Variants in SMG6 observed in about 807,000 individuals in gnomAD.
The protein encoded by SMG6 is SMG6 nonsense mediated mRNA decay factor.
A neutral mutation model predicts 142.2 loss-of-function variants in SMG6; 66 were observed. The ratio of observed to expected loss-of-function variants is 0.46; its 90% CI spans 0.38 to 0.57. The LOEUF is 0.57. Among genes scored for constraint, SMG6 ranks in the 20% least tolerant of loss-of-function variants. The pLI, the probability that SMG6 is intolerant of heterozygous loss-of-function variation, is 0.00. For synonymous variants in SMG6, 779 were observed against 702.4 expected, an observed-to-expected ratio of 1.11 and a Z score of -1.72; for missense variants, 1,793 against 1,832.0, an observed-to-expected ratio of 0.98 and a Z score of 0.39.
intron 14 of SMG6, among the ~76,000 whole-genome samples, chr17:2,083,414 T>A (rs2068476781): frequency 6.6e-6 from 1 of 152,180 alleles, no homozygotes; most frequent in Non-Finnish European, 1.5e-5. Context: ...AAGAACTATG[T>A]CTGAAGAAAC....
At chr17:2,301,511 A>C (rs2075275623) in intron 1 of SMG6, among the ~76,000 whole-genome samples, 2 of 152,188 alleles carry the variant, frequency 1.3e-5, no homozygotes, top group African/African-American at 4.8e-5. Flanking sequence ...AATGCCAACA[A>C]CTGGGAACTC....
At position 2,188,511 on chromosome 17, in the gene SMG6, G is replaced by A; in HGVS notation, c.2874C>T (p.Cys958=). The change falls in exon 11 of 19, where the codon TGC becomes TGT. Residue 958 remains cysteine (C), a synonymous_variant. Transcript: ENST00000263073. The part of the protein sequence containing the change: ...FAVHNSQLKD[C]FSEECRSVIQ... The stretch of plus-strand genomic sequence containing the variant: ...TCACAGAGCGGCACTCCTCCGAGAA[G>A]CAGTCTGCGGACAGGCAAATGAAAC... 1 of 1,613,658 alleles carries A rather than the reference G, an allele frequency of 6.2e-7. No homozygotes were observed. The highest frequency in any genetic ancestry group is 8.5e-7 in the Non-Finnish European group (1 of 1,179,828).
chr17:2,295,940 T>C (rs779890452), intron 4 of SMG6, among the ~76,000 whole-genome samples: 1 of 152,090 alleles, frequency 6.6e-6, no homozygotes, highest in Non-Finnish European at 1.5e-5. Flanking sequence ...TTCCATTCTA[T>C]TTCCTTTCTT....
chr17:2,259,476 G>A (rs1377882899), intron 8 of SMG6, among the ~76,000 whole-genome samples: 1 of 151,836 alleles, frequency 6.6e-6, no homozygotes, highest in Non-Finnish European at 1.5e-5. Flanking sequence ...CCAGGAGTTT[G>A]ACCAGCCTGG....
At chr17:2,140,333 A>G (rs919762342) in intron 13 of SMG6, among the ~76,000 whole-genome samples, 5 of 152,240 alleles carry the variant, frequency 3.3e-5, no homozygotes, top group Non-Finnish European at 1.5e-5. Flanking sequence ...CTGGGGTTAC[A>G]GGCGTAAGCC....
At chr17:2,234,081 G>C (rs1401129986) in intron 10 of SMG6, among the ~76,000 whole-genome samples, 4 of 152,080 alleles carry the variant, frequency 2.6e-5, no homozygotes, top group African/African-American at 9.7e-5. Context: ...AGGGTCTCAA[G>C]TACGGGCTTT....
chr17:2,279,780 A>G (rs2074743521), intron 8 of SMG6, among the ~76,000 whole-genome samples: 2 of 152,186 alleles, frequency 1.3e-5, no homozygotes, highest in African/African-American at 4.8e-5. Flanking sequence ...CTCACACTCT[A>G]GACTCCAGCC....
At chr17:2,282,070 G>C (rs1276035626) in intron 8 of SMG6, among the ~76,000 whole-genome samples, 1 of 152,190 alleles carries the variant, frequency 6.6e-6, no homozygotes, top group Non-Finnish European at 1.5e-5. Flanking sequence ...CACTGAGACA[G>C]CAAGAGATCT....
At chr17:2,258,979 G>A (rs2074254953) in intron 8 of SMG6, among the ~76,000 whole-genome samples, 1 of 151,970 alleles carries the variant, frequency 6.6e-6, no homozygotes, top group South Asian at 2.1e-4. Flanking sequence ...TTGGGAGGCT[G>A]AGGTAGGAGA....
intron 13 of SMG6, among the ~76,000 whole-genome samples, chr17:2,165,747 TA>T (rs2071316746): frequency 1.3e-5 from 2 of 151,774 alleles, no homozygotes; most frequent in South Asian, 4.2e-4. Flanking sequence ...AATAAAAAAG[TA>T]AAAATAATTA....
intron 8 of SMG6, among the ~76,000 whole-genome samples, chr17:2,278,049 C>CA (rs951731896): frequency 2.0e-5 from 3 of 150,776 alleles, no homozygotes; most frequent in East Asian, 1.9e-4. Context: ...TCCTATCTCT[C>CA]AAAAAAAAAT....
chr17:2,248,863 C>G (rs1262070556), intron 8 of SMG6, among the ~76,000 whole-genome samples: 2 of 151,748 alleles, frequency 1.3e-5, no homozygotes, highest in African/African-American at 4.8e-5. Flanking sequence ...ATGAAGTCAA[C>G]TAGCACTGAG....
chr17:2,155,231 T>G (rs1355043727), intron 13 of SMG6, among the ~76,000 whole-genome samples: 1 of 151,938 alleles, frequency 6.6e-6, no homozygotes, highest in Admixed American at 6.6e-5. Context: ...CCGGCTACTT[T>G]TTGTATTTTT....
At chr17:2,073,923 A>G (rs1268126193) in intron 15 of SMG6, among the ~76,000 whole-genome samples, 2 of 151,090 alleles carry the variant, frequency 1.3e-5, no homozygotes, top group African/African-American at 2.4e-5. Flanking sequence ...TACTAAAACT[A>G]CAAAAATCAG....
intron 13 of SMG6, among the ~76,000 whole-genome samples, chr17:2,166,372 A>T (rs1252983068): frequency 6.8e-6 from 1 of 147,184 alleles, no homozygotes; most frequent in African/African-American, 2.6e-5. Context: ...TAAAAAGGAG[A>T]ATGTAGCACG....
At chr17:2,136,656 G>C (rs2070313643) in intron 13 of SMG6, among the ~76,000 whole-genome samples, 1 of 151,430 alleles carries the variant, frequency 6.6e-6, no homozygotes, top group Non-Finnish European at 1.5e-5. Flanking sequence ...CACCAAAATA[G>C]CTGGATTCAT....
At chr17:2,067,658 C>A (rs1467768858) in intron 16 of SMG6, among the ~76,000 whole-genome samples, 1 of 152,084 alleles carries the variant, frequency 6.6e-6, no homozygotes, top group African/African-American at 2.4e-5. Context: ...CTGGCCAGGC[C>A]ACATGGGGAG....
chr17:2,142,234 G>A (rs1378293840), intron 13 of SMG6, among the ~76,000 whole-genome samples: 1 of 152,106 alleles, frequency 6.6e-6, no homozygotes, highest in African/African-American at 2.4e-5. Context: ...CAGATTAATT[G>A]GACTTCGTAA....
chr17:2,080,932 G>C (rs901788242), intron 15 of SMG6, among the ~76,000 whole-genome samples: 4 of 152,196 alleles, frequency 2.6e-5, no homozygotes, highest in African/African-American at 7.2e-5. Flanking sequence ...ACCGCGCCCG[G>C]CCAGCACTTT....
Sources: gnomAD v4.1 joint callset for allele counts (sites outside exome capture counted in the v4.1 genomes callset) on GRCh38, gnomAD v4.1.1 for gene constraint, MANE v1.5 for transcripts, NCBI Gene and HGNC (gene_info 2026-07-23, HGNC 2026-07-21) for gene names.